SPNS3: variants seen among roughly 807,000 people sequenced by gnomAD.
SPNS3 encodes the protein protein spinster homolog 3.
SPNS3 carries 51 observed loss-of-function variants against 54.4 expected under a neutral mutation model. The ratio of observed to expected loss-of-function variants is 0.94; its 90% CI spans 0.75 to 1.18. The LOEUF (loss-of-function observed/expected upper bound fraction) is 1.18, where lower values mean the gene tolerates loss of function less well. SPNS3 is among the 50% of genes most tolerant of loss of function. The pLI is 0.00. For missense variants in SPNS3, 669 were observed against 677.4 expected (o/e 0.99, Z 0.14); for synonymous variants, 309 against 294.7 (o/e 1.05, Z -0.50).
At position 4,438,766 on chromosome 17, in the gene SPNS3, G is replaced by A. The variant is rs373964014; in HGVS notation, c.200-892G>A. On this transcript the variant is annotated intron_variant, in intron 1 of 11. Transcript: ENST00000355530. ...CGTTTACACAGTGGCCTAAGTAAAG[G>A]GCTGTGCACTGAGCAGCGACAGGGG... is the stretch of plus-strand genomic sequence containing the variant. Among the ~76,000 whole-genome samples the A allele has an allele frequency of 4.9e-4, 75 of 152,364 alleles. 1 individual carries two copies. The South Asian group carries it at 0.013, about 27-fold the overall frequency.
intron 1 of SPNS3, among the ~76,000 whole-genome samples, chr17:4,437,549 C>T (rs1259004541): frequency 2.0e-5 from 3 of 151,668 alleles, no homozygotes; most frequent in Non-Finnish European, 4.4e-5. Context: ...CACCTGTAAT[C>T]CCAGCTACTT....
chr17:4,434,275 C>A, intron 1 of SPNS3, 109 bp downstream of exon 1: 1 of 1,120,000 alleles, frequency 8.9e-7, no homozygotes, highest in Non-Finnish European at 1.3e-6. Flanking sequence ...TGCTCCTGGG[C>A]CCATCTCTGG....
intron 9 of SPNS3, among the ~76,000 whole-genome samples, chr17:4,480,491 GC>G (rs1007346903): frequency 1.2e-4 from 18 of 152,270 alleles, no homozygotes; most frequent in African/African-American, 4.1e-4. Flanking sequence ...AGCTGCACCT[GC>G]CCCCACAGCT....
chr17:4,460,491 G>T (rs146019960), intron 8 of SPNS3, among the ~76,000 whole-genome samples: 2,550 of 148,112 alleles, frequency 0.017, 74 homozygotes, highest in African/African-American at 0.06. Flanking sequence ...GAGTGCAGTG[G>T]CGTGATCTCG....
At chr17:4,436,020 A>ACCC (rs112640751) in intron 1 of SPNS3, among the ~76,000 whole-genome samples, 1 of 79,472 alleles carries the variant, frequency 1.3e-5, no homozygotes, top group African/African-American at 4.8e-5. Flanking sequence ...CCGGCTGAGC[A>ACCC]CTAACTGTGG....
In SPNS3 at chr17:4,446,626, C is replaced by G. The variant is rs1254406519; in HGVS notation, c.555-270C>G. 3 of 563,012 alleles carry G rather than the reference C, an allele frequency of 5.3e-6. No homozygotes were observed. The African/African-American group carries it at 5.6e-5, about 11-fold the overall frequency. 34.9% of individuals were successfully genotyped at this position (563,012 alleles called of 1,614,324 possible). A position where few individuals can be genotyped will look rare whatever the true frequency, so the allele number is the denominator to read the frequency against. On this transcript the variant is annotated intron_variant, in intron 4 of 11. Transcript: ENST00000355530. ...CTTGCCTGACTCAAGCAGGGCCCAG[C>G]CTTGGGCAGGAGGGTGTAGGGTATG...
At chr17:4,473,258 C>G (rs764686235) in intron 8 of SPNS3, among the ~76,000 whole-genome samples, 6 of 152,078 alleles carry the variant, frequency 3.9e-5, no homozygotes, top group Non-Finnish European at 8.8e-5. Flanking sequence ...GAAGGCTGCT[C>G]CTTGCCCAAA....
In SPNS3 at chr17:4,462,804, C is replaced by T. The variant is rs1285134783; in HGVS notation, c.1113+9599C>T. ...ATCCATCCATCCATCCATCCATCCACCAATCTATCCATCCATCCATCCATC... is the reference window on the plus strand; with the variant it reads ...ATCCATCCATCCATCCATCCATCCATCAATCTATCCATCCATCCATCCATC... On this transcript the variant is annotated intron_variant, in intron 8 of 11. Coordinates refer to ENST00000355530, the MANE Select transcript of SPNS3 (RefSeq NM_182538.5). Among the ~76,000 whole-genome samples, 418 of 103,076 alleles carry T rather than the reference C, an allele frequency of 4.1e-3. 27 individuals are homozygous for T. Among genetic ancestry groups the T allele is most frequent in the African/African-American group, 0.021 (367 of 17,688 alleles). 67.6% of individuals were successfully genotyped at this position (103,076 alleles called of 152,430 possible). A position where few individuals can be genotyped will look rare whatever the true frequency, so the allele number is the denominator to read the frequency against.
At position 4,487,979 on chromosome 17, in the gene SPNS3, G is replaced by A. The variant is rs72821822; in HGVS notation, c.*85G>A. 2.3e-5 allele frequency: 28 copies of A among 1,216,216 alleles called. No individual in the cohort carries two copies. Among genetic ancestry groups the A allele is most frequent in the South Asian group, 5.1e-5 (4 of 78,816 alleles). The allele number at this position is 1,216,216 out of a possible 1,614,324, so 75.3% of individuals were successfully genotyped here. A position where few individuals can be genotyped will look rare whatever the true frequency, so the allele number is the denominator to read the frequency against. On this transcript the variant is annotated 3_prime_UTR_variant, in exon 12 of 12. Transcript: ENST00000355530. ...CCTCGGTTCCTCTTTGGCTGTCCTC[G>A]GGGACTCCGGCTGAGGCACATCTGC... is the stretch of plus-strand genomic sequence containing the variant.
At chr17:4,476,593 T>C (rs550012541) in intron 8 of SPNS3, among the ~76,000 whole-genome samples, 25 of 152,250 alleles carry the variant, frequency 1.6e-4, no homozygotes, top group African/African-American at 4.8e-4. Context: ...TGGGCTTTCA[T>C]GTGGCCCCAG....
chr17:4,467,303 T>C (rs1971704071), intron 8 of SPNS3, among the ~76,000 whole-genome samples: 1 of 151,864 alleles, frequency 6.6e-6, no homozygotes, highest in Admixed American at 6.6e-5. Context: ...CGGAATCTAC[T>C]GCTGCAAAAA....
intron 7 of SPNS3, among the ~76,000 whole-genome samples, chr17:4,450,011 A>G (rs2144047598): frequency 6.6e-6 from 1 of 151,466 alleles, no homozygotes; most frequent in Middle Eastern, 3.5e-3. Context: ...GACATCCTTC[A>G]ATCCTCCCTT....
chr17:4,455,172 C>G (rs1567561847), intron 8 of SPNS3, among the ~76,000 whole-genome samples: 1 of 152,320 alleles, frequency 6.6e-6, no homozygotes, highest in East Asian at 1.9e-4. Context: ...TCTCGGCCTC[C>G]CAAAGTGCTG....
chr17:4,452,988 C>T lies in SPNS3; in HGVS notation c.924-28C>T, dbSNP rs1365717347. On this transcript the variant is annotated intron_variant, in intron 7 of 11. Transcript: ENST00000355530. The stretch of plus-strand genomic sequence containing the variant: ...CCCTATGCTAAGCTCACCCAGCTGA[C>T]CAACCCTTCTGTGCTCTTCCCCATC... The T allele has an allele frequency of 4.4e-6, 7 of 1,601,412 alleles. No homozygotes were observed. In the Admixed American group the frequency reaches 8.4e-5, roughly 19 times the overall value.
At chr17:4,447,969 G>A (rs1971041994) in intron 5 of SPNS3, among the ~76,000 whole-genome samples, 186 bp from the exon 6 acceptor site, 1 of 152,184 alleles carries the variant, frequency 6.6e-6, no homozygotes, top group South Asian at 2.1e-4. Flanking sequence ...AGTGGTGAGG[G>A]CTGAGAAACA....
intron 9 of SPNS3, among the ~76,000 whole-genome samples, chr17:4,479,772 G>A (rs971836214): frequency 1.3e-5 from 2 of 152,238 alleles, no homozygotes; most frequent in Admixed American, 6.5e-5. Flanking sequence ...TGCCACTTAT[G>A]GGCTGTGTGG....
At chr17:4,472,768 G>T (rs1379178670) in intron 8 of SPNS3, among the ~76,000 whole-genome samples, 2 of 128,796 alleles carry the variant, frequency 1.6e-5, no homozygotes, top group Non-Finnish European at 3.1e-5. Context: ...TCTTTTGCTT[G>T]GCAGCCTTTT....
chr17:4,469,577 C>CCACTG (rs1971799889), intron 8 of SPNS3, among the ~76,000 whole-genome samples: 2 of 149,368 alleles, frequency 1.3e-5, no homozygotes, highest in South Asian at 4.3e-4. Flanking sequence ...CAGGATCGCG[C>CCACTG]CACTGCACGC....
intron 2 of SPNS3, among the ~76,000 whole-genome samples, chr17:4,441,579 C>T (rs1970848604): frequency 6.6e-6 from 1 of 152,108 alleles, no homozygotes; most frequent in Non-Finnish European, 1.5e-5. Flanking sequence ...GTCAACATTT[C>T]CCTTCACTGG....
Sources: gnomAD v4.1 joint callset for allele counts (sites outside exome capture counted in the v4.1 genomes callset) on GRCh38, gnomAD v4.1.1 for gene constraint, MANE v1.5 for transcripts, NCBI Gene and HGNC (gene_info 2026-07-23, HGNC 2026-07-21) for gene names.